Variants in CSMD1 observed in about 807,000 individuals in gnomAD.
CSMD1 encodes CUB and sushi domain-containing protein 1.
In CSMD1, 213 loss-of-function variants were observed where a neutral mutation model predicts 417.5. That is an observed-to-expected ratio of 0.51 (90% confidence interval 0.46 to 0.57). The LOEUF (loss-of-function observed/expected upper bound fraction) is 0.57, where lower values mean the gene tolerates loss of function less well. CSMD1 is among the 20% of genes least tolerant of loss of function. The probability of loss-of-function intolerance (pLI) is 0.00; values close to 1 mark genes in which losing one functional copy is unlikely to be tolerated. For missense variants in CSMD1, 6,923 were observed against 4,529.7 expected, an observed-to-expected ratio of 1.53 and a Z score of -15.17; for synonymous variants, 2,862 against 1,736.8, an observed-to-expected ratio of 1.65 and a Z score of -16.11.
At chr8:4,250,741 A>G (rs1001691215) in intron 3 of CSMD1, among the ~76,000 whole-genome samples, 1 of 152,196 alleles carries the variant, frequency 6.6e-6, no homozygotes, top group African/African-American at 2.4e-5. Flanking sequence ...AAGTTTGCAA[A>G]GAAAAACTGT....
Position 2,973,286 on chromosome 8 carries a change from T to C in CSMD1, c.8754A>G (p.Gly2918=), listed in dbSNP as rs1332872659. 6.2e-7 allele frequency: 1 copy of C among 1,613,814 alleles called. No homozygotes were observed. The highest frequency in any genetic ancestry group is 1.7e-4 in the Middle Eastern group (1 of 6,058). ...CTGGGGTCCCCGGATCACCACAGAA[T>C]CCAGGATTATTTCCTATTGAAAACA... The part of the protein sequence containing the change: ...ALPHCTGNNP[G]FCGDPGTPAH... Residue 2918 remains glycine, a synonymous_variant, in exon 57 of 70, where the codon GGA becomes GGG. Transcript: ENST00000635120.
At chr8:3,628,234 C>T (rs1287095981) in intron 7 of CSMD1, among the ~76,000 whole-genome samples, 5 of 152,124 alleles carry the variant, frequency 3.3e-5, no homozygotes, top group African/African-American at 9.7e-5. Flanking sequence ...TCTAATAATG[C>T]TCTACAATGA....
At chr8:3,852,739 G>A (rs1360510216) in intron 5 of CSMD1, among the ~76,000 whole-genome samples, 3 of 151,952 alleles carry the variant, frequency 2.0e-5, no homozygotes, top group Non-Finnish European at 2.9e-5. Context: ...TCAGGTAAGC[G>A]TCTGCATCTC....
chr8:4,692,543 C>T (rs1414528977), intron 1 of CSMD1, among the ~76,000 whole-genome samples: 1 of 152,066 alleles, frequency 6.6e-6, no homozygotes, highest in Non-Finnish European at 1.5e-5. Flanking sequence ...CAAGGAGCAG[C>T]CACATGAAGA....
At chr8:4,107,064 T>A (rs1261217294) in intron 3 of CSMD1, among the ~76,000 whole-genome samples, 1 of 152,106 alleles carries the variant, frequency 6.6e-6, no homozygotes, top group Non-Finnish European at 1.5e-5. Flanking sequence ...CAAGCAGGCA[T>A]CCATGTCAAC....
chr8:4,462,282 T>A (rs925741390), intron 2 of CSMD1, among the ~76,000 whole-genome samples: 2 of 152,126 alleles, frequency 1.3e-5, no homozygotes, highest in Admixed American at 6.6e-5. Flanking sequence ...TAATTAGGAA[T>A]AAATTTAACA....
intron 4 of CSMD1, among the ~76,000 whole-genome samples, chr8:4,022,386 A>C (rs1021131263): frequency 2.6e-5 from 4 of 152,084 alleles, no homozygotes; most frequent in Non-Finnish European, 5.9e-5. Context: ...TGTAAAAATT[A>C]TGGGAGGACA....
chr8:3,459,992 C>T (rs1346734498), intron 12 of CSMD1, among the ~76,000 whole-genome samples: 1 of 152,184 alleles, frequency 6.6e-6, no homozygotes, highest in Non-Finnish European at 1.5e-5. Flanking sequence ...TTGCACATCT[C>T]TAAGGATGCA....
chr8:4,311,141 G>T (rs68024807), intron 3 of CSMD1, among the ~76,000 whole-genome samples: 1 of 151,954 alleles, frequency 6.6e-6, no homozygotes, highest in African/African-American at 2.4e-5. Context: ...CAGCAATACC[G>T]TGACTGGCTG....
intron 22 of CSMD1, among the ~76,000 whole-genome samples, chr8:3,347,007 C>T (rs2551045): frequency 0.21 from 32,637 of 152,144 alleles, 3,818 homozygotes; most frequent in East Asian, 0.32. Flanking sequence ...TTTGGCTTCC[C>T]TGTGCCATGT....
At chr8:3,334,152 G>T (rs1057057004) in intron 23 of CSMD1, among the ~76,000 whole-genome samples, 1 of 152,128 alleles carries the variant, frequency 6.6e-6, no homozygotes, top group East Asian at 1.9e-4. Flanking sequence ...GATGCCAGAA[G>T]AAAATGACAT....
chr8:4,937,405 T>G (rs1473620934), intron 1 of CSMD1, among the ~76,000 whole-genome samples: 1 of 152,116 alleles, frequency 6.6e-6, no homozygotes, highest in Non-Finnish European at 1.5e-5. Context: ...ATATGACAGG[T>G]TGAAGAATTC....
chr8:3,658,328 A>C (rs911960391), intron 7 of CSMD1, among the ~76,000 whole-genome samples: 1 of 151,976 alleles, frequency 6.6e-6, no homozygotes, highest in Non-Finnish European at 1.5e-5. Flanking sequence ...GATTTACTTA[A>C]ATCACTACTC....
intron 25 of CSMD1, among the ~76,000 whole-genome samples, chr8:3,284,936 T>A (rs1403911959): frequency 6.6e-6 from 1 of 152,172 alleles, no homozygotes; most frequent in Non-Finnish European, 1.5e-5. Context: ...ACTCCCTTCT[T>A]TATAAAATTT....
In CSMD1 at chr8:4,095,150, G is replaced by A. The variant is rs1354972696; in HGVS notation, c.416-63051C>T. Reference sequence around the variant, plus strand: ...AACTTGGGAGGAAGAGAGGTAGGATGTGCTGAGAAGTTGTTGGGGACGGAT... The same window carrying A: ...AACTTGGGAGGAAGAGAGGTAGGATATGCTGAGAAGTTGTTGGGGACGGAT... On this transcript the variant is annotated intron_variant, in intron 3 of 69. Coordinates refer to ENST00000635120, the MANE Select transcript of CSMD1 (RefSeq NM_033225.6). Among the ~76,000 whole-genome samples, 3 of 152,182 alleles carry A rather than the reference G, an allele frequency of 2.0e-5. No homozygotes were observed. In the East Asian group the frequency reaches 5.8e-4, roughly 29 times the overall value.
chr8:4,432,411 G>C (rs1376895558), intron 2 of CSMD1, among the ~76,000 whole-genome samples: 1 of 152,098 alleles, frequency 6.6e-6, no homozygotes, highest in African/African-American at 2.4e-5. Context: ...ATGTTATGTT[G>C]ATTTCCTAGA....
chr8:4,331,830 C>A (rs1224950776), intron 3 of CSMD1, among the ~76,000 whole-genome samples: 1 of 152,066 alleles, frequency 6.6e-6, no homozygotes, highest in Non-Finnish European at 1.5e-5. Context: ...ATAATTATTA[C>A]TGTTTCCTCA....
At chr8:3,790,147 T>C (rs148996879) in intron 5 of CSMD1, among the ~76,000 whole-genome samples, 9 of 152,372 alleles carry the variant, frequency 5.9e-5, no homozygotes, top group African/African-American at 9.6e-5. Context: ...TTGCCTTGGC[T>C]CACATGCCGT....
intron 1 of CSMD1, among the ~76,000 whole-genome samples, chr8:4,665,981 A>G (rs987756201): frequency 6.6e-6 from 1 of 152,138 alleles, no homozygotes; most frequent in Admixed American, 6.5e-5. Flanking sequence ...GGAATATGTA[A>G]TATTGCATGA....
Sources: allele counts gnomAD v4.1 joint callset (sites outside exome capture counted in the v4.1 genomes callset), GRCh38; gene constraint gnomAD v4.1.1; transcripts MANE v1.5; gene names NCBI Gene and HGNC (gene_info 2026-07-23, HGNC 2026-07-21).